The following SPTLC2 variants were observed in gnomAD, a reference collection of about 807,000 sequenced individuals.
SPTLC2 encodes the protein serine palmitoyltransferase 2.
A neutral mutation model predicts 62.0 loss-of-function variants in SPTLC2; 21 were observed. The observed-to-expected ratio is 0.34, with a 90% CI of 0.24 to 0.49. SPTLC2 has a LOEUF of 0.49. SPTLC2 is among the 20% of genes least tolerant of loss of function. The pLI, the probability that SPTLC2 is intolerant of heterozygous loss-of-function variation, is 0.99. For synonymous variants in SPTLC2, 261 were observed against 261.8 expected, an observed-to-expected ratio of 1.00 and a Z score of 0.03; for missense variants, 511 against 713.0, an observed-to-expected ratio of 0.72 and a Z score of 3.23.
chr14:77,615,631 T>C (rs1453446331), intron 1 of SPTLC2, among the ~76,000 whole-genome samples: 1 of 152,248 alleles, frequency 6.6e-6, no homozygotes, highest in Non-Finnish European at 1.5e-5. Flanking sequence ...CAGACCACTG[T>C]AAGGTTGATA....
intron 9 of SPTLC2, among the ~76,000 whole-genome samples, chr14:77,531,766 C>A (rs899153084): frequency 3.0e-4 from 45 of 152,062 alleles, no homozygotes; most frequent in Non-Finnish European, 6.0e-4. Context: ...CTGGCCTTGG[C>A]CTCCCAAAGT....
At chr14:77,537,956 A>C (rs2079479566) in intron 9 of SPTLC2, among the ~76,000 whole-genome samples, 1 of 152,174 alleles carries the variant, frequency 6.6e-6, no homozygotes, top group Admixed American at 6.5e-5. Context: ...GCTTAGCCTT[A>C]ACTTTGAAAA....
Position 77,557,196 on chromosome 14 carries a change from C to T in SPTLC2, c.851-50G>A, listed in dbSNP as rs1354544226. The stretch of plus-strand genomic sequence containing the variant: ...TATACCGCATCTTCCTCTTTCCTAA[C>T]TTTATTCCGGAAATGCAGAGATATA... On this transcript the variant is annotated intron_variant, in intron 6 of 11. Coordinates refer to ENST00000216484, the MANE Select transcript of SPTLC2 (RefSeq NM_004863.4). The T allele has an allele frequency of 3.4e-6, 5 of 1,459,554 alleles. No individual in the cohort carries two copies. The Admixed American group carries it at 8.4e-5, about 25-fold the overall frequency. 90.4% of individuals were successfully genotyped at this position (1,459,554 alleles called of 1,614,324 possible).
intron 9 of SPTLC2, among the ~76,000 whole-genome samples, chr14:77,525,698 CAGG>C (rs1390673646): frequency 6.6e-6 from 1 of 152,216 alleles, no homozygotes; most frequent in East Asian, 1.9e-4. Context: ...ATCACAAGGT[CAGG>C]AGATCGAGAC....
chr14:77,513,591 T>C (rs2139990144), intron 11 of SPTLC2, among the ~76,000 whole-genome samples: 1 of 152,232 alleles, frequency 6.6e-6, no homozygotes, highest in East Asian at 1.9e-4. Flanking sequence ...GATGTAATAA[T>C]TTAAGACAAA....
chr14:77,593,527 C>G (rs2079830297), intron 2 of SPTLC2, among the ~76,000 whole-genome samples: 1 of 152,126 alleles, frequency 6.6e-6, no homozygotes, highest in African/African-American at 2.4e-5. Flanking sequence ...ATCCAAAACA[C>G]CACGAATAAC....
At chr14:77,604,799 G>A (rs1360427398) in intron 1 of SPTLC2, among the ~76,000 whole-genome samples, 8 of 150,938 alleles carry the variant, frequency 5.3e-5, no homozygotes, top group South Asian at 2.1e-4. Flanking sequence ...CCTGGGAGGC[G>A]GAGGTTGCGG....
At chr14:77,564,395 A>C (rs1483872306) in intron 5 of SPTLC2, among the ~76,000 whole-genome samples, 1 of 122,200 alleles carries the variant, frequency 8.2e-6, no homozygotes, top group Non-Finnish European at 1.7e-5. Flanking sequence ...ATCTTTATGC[A>C]TGCATACACA....
chr14:77,563,399 C>T (rs2140027389), intron 5 of SPTLC2, among the ~76,000 whole-genome samples: 2 of 152,198 alleles, frequency 1.3e-5, no homozygotes, highest in East Asian at 3.9e-4. Flanking sequence ...CCTCCATATA[C>T]TTGGGTTTTG....
rs529146419 is a variant in SPTLC2 at position 77,543,050 on chromosome 14, TTTTG to T, written c.1303+9042_1303+9045del. Among the ~76,000 whole-genome samples the T allele has an allele frequency of 8.5e-5, 13 of 152,238 alleles. No homozygotes were observed. The East Asian group carries it at 1.5e-3, about 18-fold the overall frequency. ...CAACCCACAGGCAGGACAGAAAGTC[TTTTG>T]TTTGTTTGTTTTTGAGACCAAGTCT... On this transcript the variant is annotated intron_variant, in intron 9 of 11. Transcript: ENST00000216484.
At chr14:77,516,020 G>T (rs1027135433) in intron 11 of SPTLC2, among the ~76,000 whole-genome samples, 3 of 80,002 alleles carry the variant, frequency 3.7e-5, no homozygotes, top group African/African-American at 9.5e-5. Context: ...GCGCGCGCAT[G>T]TGTGTGTGTG....
intron 2 of SPTLC2, among the ~76,000 whole-genome samples, chr14:77,589,519 G>A (rs2079803347): frequency 6.7e-6 from 1 of 149,700 alleles, no homozygotes; most frequent in South Asian, 2.1e-4. Flanking sequence ...GCCAGGCACG[G>A]TGGCTCATGC....
rs2079853277 is a variant in SPTLC2, at chr14:77,597,385, A to G, written c.133-5T>C. 1 of 1,611,964 alleles carries G rather than the reference A, an allele frequency of 6.2e-7. No homozygotes were observed. Among genetic ancestry groups the G allele is most frequent in the East Asian group, 2.2e-5 (1 of 44,868 alleles). ...ATTTTGTGTAACATGATGGATCTAA[A>G]AGAGAGGTTAAAAATGTTTATTTCC... On this transcript the variant is annotated splice_polypyrimidine_tract_variant and splice_region_variant and intron_variant, in intron 1 of 11. Coordinates refer to ENST00000216484, the MANE Select transcript of SPTLC2 (RefSeq NM_004863.4).
At chr14:77,590,577 T>C in intron 2 of SPTLC2, among the ~76,000 whole-genome samples, 1 of 152,056 alleles carries the variant, frequency 6.6e-6, no homozygotes, top group East Asian at 1.9e-4. Flanking sequence ...TTAGGTGTGG[T>C]TGCACATGCC....
intron 1 of SPTLC2, among the ~76,000 whole-genome samples, chr14:77,613,542 C>T (rs1468326483): frequency 6.6e-6 from 1 of 152,178 alleles, no homozygotes; most frequent in East Asian, 1.9e-4. Context: ...ATTCTAAACC[C>T]AAATCCAAGA....
At chr14:77,599,216 G>A (rs2079864457) in intron 1 of SPTLC2, among the ~76,000 whole-genome samples, 1 of 152,142 alleles carries the variant, frequency 6.6e-6, no homozygotes, top group African/African-American at 2.4e-5. Context: ...ACAAGTTTGT[G>A]TGTTAACTTT....
At chr14:77,593,093 A>C (rs1177981378) in intron 2 of SPTLC2, among the ~76,000 whole-genome samples, 1 of 150,524 alleles carries the variant, frequency 6.6e-6, no homozygotes, top group Non-Finnish European at 1.5e-5. Flanking sequence ...ACAGAGTGAG[A>C]CTCCATCTCA....
rs192006884 is a variant in SPTLC2, at chr14:77,572,585, G to A, written c.632-2077C>T. Among the ~76,000 whole-genome samples the A allele has an allele frequency of 5.4e-4, 82 of 152,274 alleles. 1 individual carries two copies. Among genetic ancestry groups the A allele is most frequent in the African/African-American group, 2.0e-3 (82 of 41,548 alleles). On this transcript the variant is annotated intron_variant, in intron 4 of 11. Transcript: ENST00000216484. ...CTGTCTTTTGAAGCTTTGAAACCAGGCATTGACTTGTCTCTAGCTGTGAAA... is the reference window on the plus strand; with the variant it reads ...CTGTCTTTTGAAGCTTTGAAACCAGACATTGACTTGTCTCTAGCTGTGAAA...
At chr14:77,591,536 CA>C (rs769746515) in intron 2 of SPTLC2, among the ~76,000 whole-genome samples, 1 of 152,072 alleles carries the variant, frequency 6.6e-6, no homozygotes, top group Non-Finnish European at 1.5e-5. Context: ...TAACACAAAA[CA>C]ATGAAATACA....
Sources: allele counts gnomAD v4.1 joint callset (sites outside exome capture counted in the v4.1 genomes callset), GRCh38; gene constraint gnomAD v4.1.1; transcripts MANE v1.5; gene names NCBI Gene and HGNC (gene_info 2026-07-23, HGNC 2026-07-21).